The following NOS1AP variants were observed in gnomAD, a reference collection of about 807,000 sequenced individuals.
The protein encoded by NOS1AP is carboxyl-terminal PDZ ligand of neuronal nitric oxide synthase protein.
In NOS1AP, 21 loss-of-function variants were observed where a neutral mutation model predicts 56.2. The ratio of observed to expected loss-of-function variants is 0.37; its 90% CI spans 0.26 to 0.54. The LOEUF is 0.54. NOS1AP is among the 20% of genes least tolerant of loss of function. NOS1AP has a pLI of 0.84. For missense variants in NOS1AP, 522 were observed against 657.8 expected, an observed-to-expected ratio of 0.79 and a Z score of 2.26; for synonymous variants, 270 against 274.6, an observed-to-expected ratio of 0.98 and a Z score of 0.17.
At chr1:162,080,430 A>T (rs1054065288) in intron 1 of NOS1AP, among the ~76,000 whole-genome samples, 1 of 152,126 alleles carries the variant, frequency 6.6e-6, no homozygotes, top group African/African-American at 2.4e-5. Context: ...TCCAGGGGGA[A>T]CTTGTTTAAA....
At chr1:162,119,329 C>T (rs953808074) in intron 1 of NOS1AP, among the ~76,000 whole-genome samples, 1 of 152,078 alleles carries the variant, frequency 6.6e-6, no homozygotes, top group Non-Finnish European at 1.5e-5. Context: ...CTGACACTGG[C>T]AATATGGAAC....
chr1:162,342,575 A>G (rs750552296), intron 5 of NOS1AP: 1 of 491,396 alleles, frequency 2.0e-6, no homozygotes, highest in Admixed American at 2.1e-5. Context: ...AGCTCATTGT[A>G]ATATGAGCTT....
At chr1:162,199,404 C>T (rs1651911475) in intron 2 of NOS1AP, among the ~76,000 whole-genome samples, 1 of 152,156 alleles carries the variant, frequency 6.6e-6, no homozygotes, top group Non-Finnish European at 1.5e-5. Flanking sequence ...GGATAAATAG[C>T]AGGAAACTGA....
intron 2 of NOS1AP, among the ~76,000 whole-genome samples, chr1:162,221,573 C>T (rs940365401): frequency 2.0e-5 from 3 of 149,082 alleles, no homozygotes; most frequent in Non-Finnish European, 3.0e-5. Context: ...CACACACACA[C>T]GGGTTAAGAC....
At chr1:162,184,728 G>A (rs1247763395) in intron 2 of NOS1AP, among the ~76,000 whole-genome samples, 3 of 152,184 alleles carry the variant, frequency 2.0e-5, no homozygotes, top group Non-Finnish European at 4.4e-5. Context: ...AGAGAACCTG[G>A]CAGCCCTGTT....
intron 2 of NOS1AP, among the ~76,000 whole-genome samples, chr1:162,215,555 T>A (rs1215722648): frequency 6.6e-6 from 1 of 152,236 alleles, no homozygotes; most frequent in Admixed American, 6.5e-5. Context: ...TGGCAGGCAC[T>A]GTATTATGCT....
chr1:162,265,630 G>A (rs1266162402), intron 2 of NOS1AP, among the ~76,000 whole-genome samples: 2 of 151,976 alleles, frequency 1.3e-5, no homozygotes, highest in Non-Finnish European at 2.9e-5. Flanking sequence ...GATTTGTGGG[G>A]TTCTTTGCCA....
At chr1:162,365,103 T>C in intron 8 of NOS1AP, 1 of 1,357,374 alleles carries the variant, frequency 7.4e-7, no homozygotes, top group African/African-American at 1.5e-5. Flanking sequence ...CGTGTGTGTG[T>C]GTGGCAGGTC....
intron 1 of NOS1AP, among the ~76,000 whole-genome samples, chr1:162,076,562 A>G (rs749192513): frequency 6.6e-6 from 1 of 152,206 alleles, no homozygotes; most frequent in Non-Finnish European, 1.5e-5. Context: ...GAACATTTTC[A>G]TCACATTAAA....
chr1:162,363,903 G>A (rs879416097), intron 8 of NOS1AP: 2 of 985,224 alleles, frequency 2.0e-6, no homozygotes, highest in Non-Finnish European at 2.4e-6. Context: ...AATTCCTTAG[G>A]CATTATGCCC....
intron 1 of NOS1AP, among the ~76,000 whole-genome samples, chr1:162,133,845 ATTG>A (rs1648863098): frequency 6.6e-6 from 1 of 152,200 alleles, no homozygotes; most frequent in African/African-American, 2.4e-5. Flanking sequence ...GTATTTATAG[ATTG>A]TTGTTATTAT....
At chr1:162,103,905 C>T (rs778902463) in intron 1 of NOS1AP, among the ~76,000 whole-genome samples, 39 of 152,178 alleles carry the variant, frequency 2.6e-4, no homozygotes, top group Non-Finnish European at 2.1e-4. Context: ...AGCCCATTTA[C>T]ATTTAAGGTT....
intron 2 of NOS1AP, among the ~76,000 whole-genome samples, chr1:162,234,756 A>G (rs1248673455): frequency 6.6e-6 from 1 of 152,166 alleles, no homozygotes; most frequent in Non-Finnish European, 1.5e-5. Flanking sequence ...GGGTTTTCAC[A>G]GTGCTCTGTT....
chr1:162,080,003 C>T (rs754695978), intron 1 of NOS1AP, among the ~76,000 whole-genome samples: 3 of 152,146 alleles, frequency 2.0e-5, no homozygotes, highest in Non-Finnish European at 4.4e-5. Flanking sequence ...CCCTTTAATC[C>T]TTGTCAGGAT....
intron 1 of NOS1AP, among the ~76,000 whole-genome samples, chr1:162,100,007 C>T (rs1426617787): frequency 1.3e-5 from 2 of 151,606 alleles, no homozygotes; most frequent in Admixed American, 1.3e-4. Context: ...GTATATGTGC[C>T]ACATTTTCTT....
intron 2 of NOS1AP, among the ~76,000 whole-genome samples, chr1:162,228,903 T>G (rs1653030357): frequency 6.6e-6 from 1 of 152,244 alleles, no homozygotes; most frequent in Admixed American, 6.5e-5. Context: ...CAGGACCTTC[T>G]TAACTTGCAG....
chr1:162,081,270 A>C (rs1691879921), intron 1 of NOS1AP, among the ~76,000 whole-genome samples: 1 of 152,118 alleles, frequency 6.6e-6, no homozygotes, highest in Non-Finnish European at 1.5e-5. Context: ...AGTCCTTTCC[A>C]TTGTGGCTAT....
At chr1:162,142,427 T>A (rs1649276495) in intron 1 of NOS1AP, among the ~76,000 whole-genome samples, 1 of 152,158 alleles carries the variant, frequency 6.6e-6, no homozygotes, top group African/African-American at 2.4e-5. Flanking sequence ...CGTGTGTGTG[T>A]GTTTAAATCA....
chr1:162,129,877 A>G (rs900221099), intron 1 of NOS1AP, among the ~76,000 whole-genome samples: 1 of 152,224 alleles, frequency 6.6e-6, no homozygotes, highest in Non-Finnish European at 1.5e-5. Flanking sequence ...TGATTGATTT[A>G]TGCATATTAA....
Sources: gnomAD v4.1 joint callset for allele counts (sites outside exome capture counted in the v4.1 genomes callset) on GRCh38, gnomAD v4.1.1 for gene constraint, MANE v1.5 for transcripts, NCBI Gene and HGNC (gene_info 2026-07-23, HGNC 2026-07-21) for gene names.